Variants in CNTNAP2 observed in about 807,000 individuals in gnomAD.
The protein encoded by CNTNAP2 is contactin-associated protein-like 2.
CNTNAP2 carries 98 observed loss-of-function variants against 155.2 expected under a neutral mutation model. That is an observed-to-expected ratio of 0.63 (90% CI 0.54 to 0.75). The LOEUF (loss-of-function observed/expected upper bound fraction) is 0.75, where lower values mean the gene tolerates loss of function less well. Ranked by LOEUF, CNTNAP2 falls within the 30% of genes least tolerant of loss-of-function variation. The pLI, the probability that CNTNAP2 is intolerant of heterozygous loss-of-function variation, is 0.00. For synonymous variants in CNTNAP2, 651 were observed against 631.2 expected (o/e 1.03, Z -0.47); for missense variants, 1,727 against 1,688.1 (o/e 1.02, Z -0.40).
At chr7:146,412,233 G>C (rs1428400304) in intron 1 of CNTNAP2, among the ~76,000 whole-genome samples, 1 of 152,220 alleles carries the variant, frequency 6.6e-6, no homozygotes, top group South Asian at 2.1e-4. Flanking sequence ...AGCCAGGGAC[G>C]TGGCCAAACA....
chr7:147,909,891 T>G (rs79713245), intron 14 of CNTNAP2, among the ~76,000 whole-genome samples: 6,243 of 150,936 alleles, frequency 0.041, 161 homozygotes, highest in Non-Finnish European at 0.053. Context: ...AGCACAGTCT[T>G]TGTGTTACAA....
rs137966281 is a variant in CNTNAP2, at chr7:146,886,164, G to A, written c.402+46260G>A. Among the ~76,000 whole-genome samples the A allele has an allele frequency of 5.9e-4, 90 of 151,412 alleles. 1 individual carries two copies. The highest frequency in any genetic ancestry group is 1.7e-3 in the Admixed American group (25 of 15,142). On this transcript the variant is annotated intron_variant, in intron 3 of 23. Transcript: ENST00000361727. ...AAAAGAGCATCTGAAGCCTAGAGCT[G>A]GAGGAATGTTTTTTCATGTGTTTTA...
At chr7:147,663,048 G>T (rs1264633933) in intron 13 of CNTNAP2, among the ~76,000 whole-genome samples, 1 of 152,170 alleles carries the variant, frequency 6.6e-6, no homozygotes, top group Non-Finnish European at 1.5e-5. Flanking sequence ...GCCCAGGCTG[G>T]AGTGCAGTGG....
At chr7:148,054,232 A>G (rs368831374) in intron 15 of CNTNAP2, among the ~76,000 whole-genome samples, 3 of 152,068 alleles carry the variant, frequency 2.0e-5, no homozygotes, top group Admixed American at 6.5e-5. Context: ...TCGGCCTCCC[A>G]TAGTGCTGGG....
intron 5 of CNTNAP2, among the ~76,000 whole-genome samples, chr7:147,118,711 C>A (rs1801039748): frequency 6.6e-6 from 1 of 152,032 alleles, no homozygotes; most frequent in African/African-American, 2.4e-5. Context: ...ATACTTTAGG[C>A]AACTGTGTAA....
intron 1 of CNTNAP2, among the ~76,000 whole-genome samples, chr7:146,346,757 T>C (rs1190644361): frequency 6.6e-6 from 1 of 152,002 alleles, no homozygotes; most frequent in Non-Finnish European, 1.5e-5. Flanking sequence ...TAATGCCTGA[T>C]GATCTAACGT....
intron 12 of CNTNAP2, among the ~76,000 whole-genome samples, chr7:147,571,981 A>G (rs780974518): frequency 2.0e-5 from 3 of 152,228 alleles, no homozygotes; most frequent in Non-Finnish European, 4.4e-5. Context: ...TCTTTGTTAT[A>G]AACCTTTGTA....
intron 11 of CNTNAP2, among the ~76,000 whole-genome samples, chr7:147,532,413 T>C (rs1272680623): frequency 6.6e-6 from 1 of 152,204 alleles, no homozygotes. Flanking sequence ...TTATTGTTCA[T>C]GTCACTATCA....
intron 2 of CNTNAP2, among the ~76,000 whole-genome samples, chr7:146,796,772 TG>T (rs970632416): frequency 2.0e-4 from 31 of 152,078 alleles, no homozygotes; most frequent in Admixed American, 1.3e-3. Flanking sequence ...ATTCACTTTG[TG>T]GGGATTACAT....
chr7:147,850,354 T>G (rs1427912454), intron 13 of CNTNAP2, among the ~76,000 whole-genome samples: 1 of 152,146 alleles, frequency 6.6e-6, no homozygotes, highest in Non-Finnish European at 1.5e-5. Flanking sequence ...AGGTAACTTA[T>G]AGATTCAGTG....
At chr7:147,994,548 T>A (rs888291490) in intron 15 of CNTNAP2, among the ~76,000 whole-genome samples, 3 of 152,186 alleles carry the variant, frequency 2.0e-5, no homozygotes, top group African/African-American at 7.2e-5. Context: ...TTTCCAGCAC[T>A]GTTCTCATGA....
At position 148,077,712 on chromosome 7, in the gene CNTNAP2, T is replaced by C. The variant is rs145063982; in HGVS notation, c.2384-40406T>C. ...CATTTTGACTGAATTGTCTCATCAG[T>C]AAAAGTATCACCTGGCTAATTGTAA... On this transcript the variant is annotated intron_variant, in intron 15 of 23. Transcript: ENST00000361727. Among the ~76,000 whole-genome samples the C allele has an allele frequency of 3.4e-3, 522 of 152,356 alleles. 1 individual carries two copies. The highest frequency in any genetic ancestry group is 0.012 in the African/African-American group (498 of 41,588).
At chr7:147,669,455 A>T (rs77064727) in intron 13 of CNTNAP2, among the ~76,000 whole-genome samples, 6,144 of 152,278 alleles carry the variant, frequency 0.04, 138 homozygotes, top group Middle Eastern at 0.13. Flanking sequence ...TGTGTCAAAA[A>T]CTATGTATTT....
At chr7:148,047,253 A>C (rs1423943874) in intron 15 of CNTNAP2, among the ~76,000 whole-genome samples, 1 of 152,232 alleles carries the variant, frequency 6.6e-6, no homozygotes, top group African/African-American at 2.4e-5. Flanking sequence ...CCTAGAGGGA[A>C]TTCAGGGTTA....
chr7:147,937,286 G>A (rs903250133), intron 14 of CNTNAP2, among the ~76,000 whole-genome samples: 2 of 152,072 alleles, frequency 1.3e-5, no homozygotes, highest in Admixed American at 6.6e-5. Context: ...TATCCTTCAT[G>A]TTTTCTCACA....
At chr7:148,214,866 G>A (rs374343482) in intron 18 of CNTNAP2, among the ~76,000 whole-genome samples, 121 of 152,276 alleles carry the variant, frequency 7.9e-4, no homozygotes, top group African/African-American at 2.5e-3. Flanking sequence ...ACCGCGCCCC[G>A]CCCAGGAGAA....
chr7:147,319,250 TA>T (rs1795297796), intron 9 of CNTNAP2, among the ~76,000 whole-genome samples: 1 of 152,262 alleles, frequency 6.6e-6, no homozygotes, highest in African/African-American at 2.4e-5. Flanking sequence ...CTTAATTCTT[TA>T]AAAACATTAA....
chr7:146,195,809 C>A (rs1297341461), intron 1 of CNTNAP2, among the ~76,000 whole-genome samples: 1 of 152,196 alleles, frequency 6.6e-6, no homozygotes, highest in Non-Finnish European at 1.5e-5. Context: ...ACGCACGCCT[C>A]AGAATGATGT....
At chr7:147,238,504 G>A (rs17170368) in intron 8 of CNTNAP2, among the ~76,000 whole-genome samples, 3 of 151,614 alleles carry the variant, frequency 2.0e-5, no homozygotes, top group Admixed American at 2.0e-4. Flanking sequence ...CAGGAGATAG[G>A]TTTAGTGATG....
Sources: gnomAD v4.1 joint callset for allele counts (sites outside exome capture counted in the v4.1 genomes callset) on GRCh38, gnomAD v4.1.1 for gene constraint, MANE v1.5 for transcripts, NCBI Gene and HGNC (gene_info 2026-07-23, HGNC 2026-07-21) for gene names.